The following NLGN1 variants were observed in gnomAD, a reference collection of about 807,000 sequenced individuals.
NLGN1 encodes the protein neuroligin-1.
In NLGN1, 12 loss-of-function variants were observed where a neutral mutation model predicts 65.5. The observed-to-expected ratio is 0.18, with a 90% CI of 0.12 to 0.30. The LOEUF is 0.30. Ranked by LOEUF, NLGN1 falls within the 10% of genes least tolerant of loss-of-function variation. The probability of loss-of-function intolerance (pLI) is 1.00; values close to 1 mark genes in which losing one functional copy is unlikely to be tolerated. For synonymous variants in NLGN1, 350 were observed against 359.5 expected, an observed-to-expected ratio of 0.97 and a Z score of 0.30; for missense variants, 750 against 1,007.1, an observed-to-expected ratio of 0.74 and a Z score of 3.46.
At chr3:173,684,892 T>G (rs1223731190) in intron 3 of NLGN1, among the ~76,000 whole-genome samples, 1 of 152,204 alleles carries the variant, frequency 6.6e-6, no homozygotes, top group Non-Finnish European at 1.5e-5. Flanking sequence ...TACAAAAGCC[T>G]TTAAAGGTAA....
chr3:173,660,363 A>T (rs200992901), intron 3 of NLGN1, among the ~76,000 whole-genome samples: 3 of 149,900 alleles, frequency 2.0e-5, no homozygotes, highest in East Asian at 2.0e-4. Flanking sequence ...TCCTTATTTT[A>T]TTTTTTTTTT....
intron 4 of NLGN1, among the ~76,000 whole-genome samples, chr3:174,067,834 T>C (rs962904477): frequency 6.6e-6 from 1 of 152,138 alleles, no homozygotes; most frequent in Non-Finnish European, 1.5e-5. Context: ...AGGACGTAAA[T>C]ATTAAAGAAA....
At chr3:173,697,574 C>A (rs1378473665) in intron 3 of NLGN1, among the ~76,000 whole-genome samples, 3 of 152,042 alleles carry the variant, frequency 2.0e-5, no homozygotes, top group African/African-American at 7.2e-5. Context: ...GTTGCCCAGG[C>A]TGGAGTGCAA....
chr3:174,109,610 G>A (rs954692564), intron 4 of NLGN1, among the ~76,000 whole-genome samples: 2 of 151,488 alleles, frequency 1.3e-5, no homozygotes, highest in Admixed American at 6.6e-5. Context: ...TAACTCCATC[G>A]AGAAATTAAC....
chr3:174,077,150 G>A (rs1403408281), intron 4 of NLGN1, among the ~76,000 whole-genome samples: 1 of 151,368 alleles, frequency 6.6e-6, no homozygotes, highest in Non-Finnish European at 1.5e-5. Context: ...TGGACACATC[G>A]AGTGACAAAT....
intron 3 of NLGN1, among the ~76,000 whole-genome samples, chr3:173,648,773 C>T (rs577768051): frequency 1.3e-5 from 2 of 152,146 alleles, no homozygotes; most frequent in South Asian, 2.1e-4. Context: ...TGGGATTTCA[C>T]CACGTTGGTC....
At chr3:173,492,655 A>G (rs1729373915) in intron 2 of NLGN1, among the ~76,000 whole-genome samples, 1 of 151,888 alleles carries the variant, frequency 6.6e-6, no homozygotes. Flanking sequence ...AGCAAGAAAT[A>G]TAATTGGCAA....
chr3:173,739,243 C>T (rs1419145800), intron 3 of NLGN1, among the ~76,000 whole-genome samples: 1 of 151,930 alleles, frequency 6.6e-6, no homozygotes, highest in East Asian at 1.9e-4. Flanking sequence ...ATTGTGGGGG[C>T]CAGAAAAGCC....
intron 3 of NLGN1, among the ~76,000 whole-genome samples, chr3:173,757,223 A>G (rs71310560): frequency 0.055 from 8,341 of 152,092 alleles, 277 homozygotes; most frequent in Middle Eastern, 0.078. Context: ...GTTAATGGGA[A>G]ATCAGATATC....
intron 4 of NLGN1, among the ~76,000 whole-genome samples, chr3:173,846,986 G>A (rs1251182526): frequency 6.6e-6 from 1 of 152,126 alleles, no homozygotes; most frequent in East Asian, 1.9e-4. Context: ...CATTTTTAAA[G>A]CCTTGTTTTA....
chr3:174,164,943 T>C (rs1170359375), intron 4 of NLGN1, among the ~76,000 whole-genome samples: 1 of 152,072 alleles, frequency 6.6e-6, no homozygotes, highest in Admixed American at 6.6e-5. Flanking sequence ...TGATATTGAT[T>C]CTTCCAATCC....
chr3:173,837,991 G>C (rs1723991677), intron 4 of NLGN1, among the ~76,000 whole-genome samples: 1 of 152,118 alleles, frequency 6.6e-6, no homozygotes, highest in African/African-American at 2.4e-5. Flanking sequence ...CACACTTAAA[G>C]CTGAAAAATA....
At chr3:173,767,791 C>T (rs908067826) in intron 3 of NLGN1, among the ~76,000 whole-genome samples, 5 of 151,962 alleles carry the variant, frequency 3.3e-5, no homozygotes, top group Admixed American at 2.0e-4. Context: ...TTTTCTTCAA[C>T]ATAAATTATA....
At chr3:173,595,686 T>C (rs1391648343) in intron 2 of NLGN1, among the ~76,000 whole-genome samples, 2 of 152,158 alleles carry the variant, frequency 1.3e-5, no homozygotes, top group African/African-American at 4.8e-5. Context: ...AAGACATATC[T>C]GAGACTGGGA....
At chr3:173,505,041 TC>T (rs1731766011) in intron 2 of NLGN1, among the ~76,000 whole-genome samples, 1 of 151,596 alleles carries the variant, frequency 6.6e-6, no homozygotes, top group Non-Finnish European at 1.5e-5. Flanking sequence ...AATATGCCCT[TC>T]CCCCACCCCT....
intron 2 of NLGN1, among the ~76,000 whole-genome samples, chr3:173,499,067 C>T (rs1730542269): frequency 6.6e-6 from 1 of 150,736 alleles, no homozygotes; most frequent in Non-Finnish European, 1.5e-5. Flanking sequence ...AATTAGATCC[C>T]ATTTGTCAAT....
chr3:173,647,210 T>C (rs1030926744), intron 3 of NLGN1, among the ~76,000 whole-genome samples: 1 of 152,070 alleles, frequency 6.6e-6, no homozygotes, highest in Non-Finnish European at 1.5e-5. Flanking sequence ...CTGATCAAAC[T>C]TCAAGGAGAA....
chr3:174,110,549 G>A (rs1714970118), intron 4 of NLGN1, among the ~76,000 whole-genome samples: 1 of 151,906 alleles, frequency 6.6e-6, no homozygotes, highest in Non-Finnish European at 1.5e-5. Flanking sequence ...AAATTAATGA[G>A]TATTATTAAA....
chr3:173,741,795 G>A (rs943394182), intron 3 of NLGN1, among the ~76,000 whole-genome samples: 1 of 152,034 alleles, frequency 6.6e-6, no homozygotes, highest in African/African-American at 2.4e-5. Context: ...GCTCAACCAT[G>A]CTATATCAGC....
Sources: gnomAD v4.1 joint callset for allele counts (sites outside exome capture counted in the v4.1 genomes callset) on GRCh38, gnomAD v4.1.1 for gene constraint, MANE v1.5 for transcripts, NCBI Gene and HGNC (gene_info 2026-07-23, HGNC 2026-07-21) for gene names.